The following RAP1A variants were observed in gnomAD, a reference collection of about 807,000 sequenced individuals.
The protein encoded by RAP1A is ras-related protein Rap-1A.
Under a neutral mutation model 26.4 loss-of-function variants are expected in RAP1A, and 6 were observed. The observed-to-expected ratio is 0.23, with a 90% CI of 0.12 to 0.45. The LOEUF (loss-of-function observed/expected upper bound fraction) is 0.45. Ranked by LOEUF, RAP1A falls within the 20% of genes least tolerant of loss-of-function variation. The pLI, the probability that RAP1A is intolerant of heterozygous loss-of-function variation, is 0.99. For missense variants in RAP1A, 121 were observed against 217.2 expected, an observed-to-expected ratio of 0.56 and a Z score of 2.78; for synonymous variants, 73 against 79.4, an observed-to-expected ratio of 0.92 and a Z score of 0.43.
rs147528799 is a variant in RAP1A, at chr1:111,659,080, GCATGAT to G, written c.-27-32253_-27-32248del. Reference sequence around the variant, plus strand: ...GTTAACTTTCTTTTTATTAGTGTTAGCATGATATATTTTTCTTCATCTCTTTACTTT... The same window carrying G: ...GTTAACTTTCTTTTTATTAGTGTTAGATATTTTTCTTCATCTCTTTACTTT... On this transcript the variant is annotated intron_variant, in intron 1 of 7. Coordinates refer to ENST00000369709, the MANE Select transcript of RAP1A (RefSeq NM_002884.4). Among the ~76,000 whole-genome samples the G allele has an allele frequency of 9.4e-3, 1,431 of 152,182 alleles. 22 individuals carry two copies. The highest frequency in any genetic ancestry group is 0.033 in the African/African-American group (1,367 of 41,510).
At chr1:111,605,085 G>T (rs568690954) in intron 1 of RAP1A, among the ~76,000 whole-genome samples, 13 of 152,218 alleles carry the variant, frequency 8.5e-5, no homozygotes, top group Non-Finnish European at 1.8e-4. Context: ...CCTAGTAGTT[G>T]TAAGAGGTAA....
intron 1 of RAP1A, among the ~76,000 whole-genome samples, chr1:111,576,657 G>A (rs964561598): frequency 4.6e-5 from 7 of 152,302 alleles, no homozygotes; most frequent in South Asian, 2.1e-4. Context: ...AGGGAGGAAC[G>A]TGTGGGTGTG....
chr1:111,545,891 G>A (rs6702088), intron 1 of RAP1A, among the ~76,000 whole-genome samples: 3,657 of 152,094 alleles, frequency 0.024, 112 homozygotes, highest in East Asian at 0.091. Context: ...CTTTCTCCCC[G>A]GAACAGTCTT....
chr1:111,695,482 G>T, intron 3 of RAP1A, 73 bp downstream of exon 3: 1 of 1,127,056 alleles, frequency 8.9e-7, no homozygotes, highest in Non-Finnish European at 1.2e-6. Context: ...CTGTAGATTT[G>T]CTTTTTGAAA....
intron 1 of RAP1A, among the ~76,000 whole-genome samples, chr1:111,651,467 T>G (rs1191530034): frequency 1.4e-5 from 2 of 146,424 alleles, no homozygotes; most frequent in Non-Finnish European, 3.0e-5. Flanking sequence ...GGGAGATATA[T>G]ATATAATTTT....
At chr1:111,617,678 C>G (rs555830263), upstream of RAP1A, among the ~76,000 whole-genome samples, 21 of 151,794 alleles carry the variant, frequency 1.4e-4, no homozygotes, top group African/African-American at 4.8e-4. Flanking sequence ...TCGTGATCCA[C>G]CCGCCTTGGC....
At chr1:111,580,171 C>T (rs1224721034) in intron 1 of RAP1A, among the ~76,000 whole-genome samples, 2 of 152,142 alleles carry the variant, frequency 1.3e-5, no homozygotes, top group Non-Finnish European at 2.9e-5. Context: ...ATGGTTTCTA[C>T]TGAATGTGTA....
At chr1:111,695,244 C>T in intron 2 of RAP1A, 97 bp from the exon 3 acceptor site, 1 of 893,390 alleles carries the variant, frequency 1.1e-6, no homozygotes, top group East Asian at 3.2e-5. Flanking sequence ...CCAGAATTTT[C>T]ACATAATTTC....
At position 111,691,430 on chromosome 1, in the gene RAP1A, C is replaced by T; in HGVS notation, c.57+13C>T. 6.3e-7 allele frequency: 1 copy of T among 1,599,458 alleles called. No individual in the cohort carries two copies. The highest frequency in any genetic ancestry group is 8.6e-7 in the Non-Finnish European group (1 of 1,166,816). ...GAAGTCTGCTCTGGTAAGTTAGCCA[C>T]CTAACTGTAACTGATTAATATAATA... On this transcript the variant is annotated intron_variant, in intron 2 of 7. Transcript: ENST00000369709.
chr1:111,707,887 T>C (rs1034055210), intron 6 of RAP1A, among the ~76,000 whole-genome samples: 8 of 152,164 alleles, frequency 5.3e-5, no homozygotes, highest in Non-Finnish European at 1.2e-4. Flanking sequence ...TAACAAACAT[T>C]ATTTGGGCTG....
chr1:111,641,257 T>G (rs1397185240), intron 1 of RAP1A, among the ~76,000 whole-genome samples: 1 of 152,228 alleles, frequency 6.6e-6, no homozygotes, highest in African/African-American at 2.4e-5. Flanking sequence ...AAAAATTCCA[T>G]TCTTCAGAGA....
intron 1 of RAP1A, among the ~76,000 whole-genome samples, chr1:111,610,578 A>ACC (rs1557864929): frequency 1.4e-5 from 2 of 138,030 alleles, no homozygotes; most frequent in African/African-American, 2.6e-5. Context: ...ACACACACAC[A>ACC]CACCCAACAC....
chr1:111,584,780 A>G (rs1658328202), intron 1 of RAP1A, among the ~76,000 whole-genome samples: 1 of 152,164 alleles, frequency 6.6e-6, no homozygotes, highest in South Asian at 2.1e-4. Context: ...TTATTTAGGA[A>G]GAGTAGAAAA....
intron 1 of RAP1A, among the ~76,000 whole-genome samples, chr1:111,567,161 T>A (rs563892442): frequency 1.3e-5 from 2 of 152,042 alleles, no homozygotes; most frequent in African/African-American, 2.4e-5. Flanking sequence ...AGGAGATAGA[T>A]AAATAGGTCA....
intron 1 of RAP1A, among the ~76,000 whole-genome samples, chr1:111,559,599 A>G (rs1657648987): frequency 6.6e-6 from 1 of 152,202 alleles, no homozygotes; most frequent in Non-Finnish European, 1.5e-5. Flanking sequence ...TGATATAATC[A>G]AATGGTATCC....
chr1:111,687,729 T>TGTG (rs1178608024), intron 1 of RAP1A, among the ~76,000 whole-genome samples: 1 of 152,142 alleles, frequency 6.6e-6, no homozygotes, highest in Admixed American at 6.5e-5. Context: ...AAATTACTTT[T>TGTG]GTGGCTGGGT....
At chr1:111,668,294 G>A (rs1291446540) in intron 1 of RAP1A, among the ~76,000 whole-genome samples, 1 of 151,976 alleles carries the variant, frequency 6.6e-6, no homozygotes, top group Admixed American at 6.6e-5. Context: ...CTGAAAATAC[G>A]GATTATCCAG....
intron 1 of RAP1A, among the ~76,000 whole-genome samples, chr1:111,567,120 C>T (rs187301779): frequency 6.6e-6 from 1 of 152,078 alleles, no homozygotes; most frequent in Admixed American, 6.5e-5. Context: ...CAGACATAGG[C>T]CCCGCCCTCA....
At chr1:111,596,754 G>C (rs1261958311) in intron 1 of RAP1A, among the ~76,000 whole-genome samples, 3 of 152,242 alleles carry the variant, frequency 2.0e-5, no homozygotes, top group Admixed American at 6.5e-5. Context: ...TCACATGGTA[G>C]AAGGGGTGAG....
Sources: gnomAD v4.1 joint callset for allele counts (sites outside exome capture counted in the v4.1 genomes callset) on GRCh38, gnomAD v4.1.1 for gene constraint, MANE v1.5 for transcripts, NCBI Gene and HGNC (gene_info 2026-07-23, HGNC 2026-07-21) for gene names.